The following ATP11A variants were observed in gnomAD, a reference collection of about 807,000 sequenced individuals.
The protein encoded by ATP11A is ATPase phospholipid transporting 11A.
ATP11A carries 81 observed loss-of-function variants against 154.4 expected under a neutral mutation model. The observed-to-expected ratio is 0.52, with a 90% confidence interval of 0.44 to 0.63. The LOEUF (loss-of-function observed/expected upper bound fraction) is 0.63. Among genes scored for constraint, ATP11A ranks in the 30% least tolerant of loss-of-function variants. The pLI, the probability that ATP11A is intolerant of heterozygous loss-of-function variation, is 0.00. For missense variants in ATP11A, 1,316 were observed against 1,474.3 expected (o/e 0.89, Z 1.76); for synonymous variants, 623 against 585.9 (o/e 1.06, Z -0.91).
At chr13:112,707,374 C>T (rs1288403815) in intron 1 of ATP11A, among the ~76,000 whole-genome samples, 1 of 148,570 alleles carries the variant, frequency 6.7e-6, no homozygotes, top group Non-Finnish European at 1.5e-5. Context: ...AAGATCACAC[C>T]ATTGCACTCC....
At chr13:112,844,486 C>A (rs1435046311) in intron 17 of ATP11A, among the ~76,000 whole-genome samples, 2 of 152,208 alleles carry the variant, frequency 1.3e-5, no homozygotes, top group African/African-American at 4.8e-5. Flanking sequence ...CCTCATACTC[C>A]CATCCCTGCC....
intron 1 of ATP11A, among the ~76,000 whole-genome samples, chr13:112,783,592 A>G (rs1012728265): frequency 6.6e-6 from 1 of 152,204 alleles, no homozygotes; most frequent in African/African-American, 2.4e-5. Flanking sequence ...CATTCCCCTC[A>G]TGGAGGAGGC....
chr13:112,814,996 C>T (rs909264397), intron 5 of ATP11A, among the ~76,000 whole-genome samples: 9 of 152,198 alleles, frequency 5.9e-5, no homozygotes, highest in Admixed American at 4.6e-4. Context: ...CTGTGACCAT[C>T]GTGTAGTGGG....
intron 1 of ATP11A, among the ~76,000 whole-genome samples, chr13:112,718,353 G>A (rs1207401876): frequency 6.6e-6 from 1 of 152,176 alleles, no homozygotes; most frequent in East Asian, 1.9e-4. Flanking sequence ...TTGTGCTCAT[G>A]AAATTTTATT....
chr13:112,851,077 T>C lies in ATP11A; in HGVS notation c.1850T>C (p.Ile617Thr), dbSNP rs1289675234. 2.5e-6 allele frequency: 4 copies of C among 1,614,062 alleles called. No homozygotes were observed. Among genetic ancestry groups the C allele is most frequent in the Non-Finnish European group, 2.5e-6 (3 of 1,180,044 alleles). Residue 617 changes from isoleucine to threonine, a missense_variant, in exon 18 of 30, where the codon ATC becomes ACC. Ile to Thr is a moderately conservative substitution (Grantham distance 89, BLOSUM62 -1). Coordinates refer to ENST00000375645, the MANE Select transcript of ATP11A (RefSeq NM_015205.3). ...TTGTGTGTTGCTTATAAAAGGCTGA[T>C]CCAAGAAGAATATGAAGGCATTTGT... ...RTLCVAYKRL[I>T]QEEYEGICKL...
At chr13:112,826,565 CTCTGAAATCTTGTA>C in intron 11 of ATP11A, 115 bp from the exon 12 acceptor site, 1 of 776,454 alleles carries the variant, frequency 1.3e-6, no homozygotes, top group East Asian at 2.6e-5. Context: ...TGTCTTTGGA[CTCTGAAATCTTGTA>C]TTTAGTAGTA....
intron 1 of ATP11A, among the ~76,000 whole-genome samples, chr13:112,698,093 G>T (rs138091396): frequency 3.9e-5 from 6 of 152,172 alleles, no homozygotes; most frequent in African/African-American, 9.7e-5. Flanking sequence ...GCACTCAGCA[G>T]CCTCGATACA....
At chr13:112,772,064 C>T (rs963097916) in intron 1 of ATP11A, among the ~76,000 whole-genome samples, 2 of 152,188 alleles carry the variant, frequency 1.3e-5, no homozygotes, top group African/African-American at 4.8e-5. Context: ...GAACTGAGTG[C>T]TTTTTGTGTC....
At chr13:112,870,759 A>G (rs1422465105) in intron 25 of ATP11A, among the ~76,000 whole-genome samples, 1 of 152,258 alleles carries the variant, frequency 6.6e-6, no homozygotes, top group Non-Finnish European at 1.5e-5. Context: ...TCTGGGCCAC[A>G]GCGCAGGAGC....
Position 112,746,327 on chromosome 13 carries a change from G to A in ATP11A, c.40-38808G>A, listed in dbSNP as rs539788484. 2 of 152,020 alleles carry A rather than the reference G, an allele frequency of 1.3e-5. No individual in the cohort carries two copies. Among genetic ancestry groups the A allele is most frequent in the Non-Finnish European group, 2.9e-5 (2 of 68,036 alleles). The allele number at this position is 152,020 out of a possible 1,614,324, so 9.4% of individuals were successfully genotyped here. A position where few individuals can be genotyped will look rare whatever the true frequency, so the allele number is the denominator to read the frequency against. On this transcript the variant is annotated intron_variant, in intron 1 of 29. Transcript: ENST00000375645. The surrounding 1 kb of genome is among the most constrained non-coding windows in gnomAD (Gnocchi z 4.1). ...AGTGCACAGGGCTCCGGTTCCCCAC[G>A]TCCTCACCGGGTAACTGGGGTTCCG...
chr13:112,823,319 C>T lies in ATP11A; in HGVS notation c.726-26C>T, dbSNP rs1040673048. 2.5e-6 allele frequency: 4 copies of T among 1,606,326 alleles called. No individual in the cohort carries two copies. The African/African-American group carries it at 5.4e-5, about 21-fold the overall frequency. On this transcript the variant is annotated intron_variant, in intron 8 of 29. Coordinates refer to ENST00000375645, the MANE Select transcript of ATP11A (RefSeq NM_015205.3). ...TGCCCACTTGCCTTCGTGTCCGCAT[C>T]ATTTCTGATCATCGTATCTTTACAG...
intron 8 of ATP11A, among the ~76,000 whole-genome samples, chr13:112,820,869 A>G (rs913064245): frequency 6.6e-6 from 1 of 152,220 alleles, no homozygotes; most frequent in Non-Finnish European, 1.5e-5. Context: ...AGACACAGAA[A>G]CACACTCACT....
At position 112,831,399 on chromosome 13, in the gene ATP11A, A is replaced by C; in HGVS notation, c.1246A>C (p.Thr416Pro). 6.2e-7 allele frequency: 1 copy of C among 1,614,176 alleles called. No homozygotes were observed. The highest frequency in any genetic ancestry group is 8.5e-7 in the Non-Finnish European group (1 of 1,180,006). ...GQVEYIFTDK[T>P]GTLTENNMEF... The stretch of plus-strand genomic sequence containing the variant: ...GGTGGAGTACATCTTCACAGACAAG[A>C]CCGGCACCCTCACGGAAAACAACAT... The change falls in exon 13 of 30, where the codon ACC becomes CCC. Residue 416 changes from threonine to proline, a missense_variant. Physicochemically the swap from Thr to Pro is conservative, Grantham distance 38. Around this residue, in one of 5 missense-constraint regions of ATP11A, gnomAD observed 876 missense variants for 1,006.8 expected, o/e 0.87. Transcript: ENST00000375645.
chr13:112,826,126 C>T (rs932543060), intron 11 of ATP11A, among the ~76,000 whole-genome samples: 7 of 151,474 alleles, frequency 4.6e-5, no homozygotes, highest in Non-Finnish European at 8.8e-5. Context: ...AGAGCAGGGC[C>T]GTGTGCAAAC....
intron 1 of ATP11A, among the ~76,000 whole-genome samples, chr13:112,750,721 G>A (rs987286793): frequency 1.3e-5 from 2 of 152,198 alleles, no homozygotes; most frequent in African/African-American, 2.4e-5. Context: ...CTAGGTTTTC[G>A]TTTGGGAGAA....
intron 2 of ATP11A, 32 bp from the exon 3 acceptor site, chr13:112,804,925 C>G: frequency 7.1e-7 from 1 of 1,409,724 alleles, no homozygotes; most frequent in Non-Finnish European, 9.9e-7. Context: ...AATCTGATCT[C>G]AATGATGGAT....
At chr13:112,837,848 G>T (rs2079281219) in intron 16 of ATP11A, among the ~76,000 whole-genome samples, 1 of 152,136 alleles carries the variant, frequency 6.6e-6, no homozygotes, top group Non-Finnish European at 1.5e-5. Context: ...GGGGGAGGCA[G>T]TGTGACTCTC....
chr13:112,829,928 A>C (rs1276976767), intron 12 of ATP11A, among the ~76,000 whole-genome samples: 2 of 152,230 alleles, frequency 1.3e-5, no homozygotes, highest in Non-Finnish European at 2.9e-5. Context: ...CAAAGACTTT[A>C]ATAAACTTGC....
At chr13:112,857,239 T>TG (rs71208919) in intron 20 of ATP11A, among the ~76,000 whole-genome samples, 6 of 152,078 alleles carry the variant, frequency 3.9e-5, no homozygotes, top group African/African-American at 1.4e-4. Context: ...GGCACATAGA[T>TG]GGGGGGGAAA....
Sources: allele counts gnomAD v4.1 joint callset (sites outside exome capture counted in the v4.1 genomes callset), GRCh38; gene constraint gnomAD v4.1.1; regional missense constraint gnomAD v4.1.1; non-coding constraint Gnocchi (gnomAD v3.1); transcripts MANE v1.5; gene names NCBI Gene and HGNC (gene_info 2026-07-23, HGNC 2026-07-21).